The following KAZN variants were observed in gnomAD, a reference collection of about 807,000 sequenced individuals.
KAZN encodes the protein kazrin.
In KAZN, 40 loss-of-function variants were observed where a neutral mutation model predicts 87.4. The ratio of observed to expected loss-of-function variants is 0.46; its 90% CI spans 0.36 to 0.60. The LOEUF is 0.60. Among genes scored for constraint, KAZN ranks in the 20% least tolerant of loss-of-function variants. KAZN has a pLI of 0.00. For synonymous variants in KAZN, 466 were observed against 458.3 expected, an observed-to-expected ratio of 1.02 and a Z score of -0.22; for missense variants, 898 against 1,073.9, an observed-to-expected ratio of 0.84 and a Z score of 2.29.
chr1:15,048,725 T>C (rs112338249), intron 4 of KAZN, among the ~76,000 whole-genome samples: 35,305 of 130,982 alleles, frequency 0.27, 6,173 homozygotes, highest in East Asian at 0.68. Context: ...CCTGGGTCGT[T>C]GGTCATGGGT....
chr1:14,760,867 A>T (rs958293806), intron 1 of KAZN, among the ~76,000 whole-genome samples: 7 of 152,326 alleles, frequency 4.6e-5, no homozygotes, highest in Non-Finnish European at 7.3e-5. Context: ...TAGTAAATAC[A>T]TTACACTTTG....
chr1:14,467,426 G>T (rs1019585649), intron 2 of KAZN, among the ~76,000 whole-genome samples: 1 of 151,166 alleles, frequency 6.6e-6, no homozygotes, highest in Non-Finnish European at 1.5e-5. Context: ...GAATAAAAAA[G>T]ACTTAAGATA....
At chr1:14,764,384 A>ACCC (rs1408862725) in intron 1 of KAZN, among the ~76,000 whole-genome samples, 15 of 105,210 alleles carry the variant, frequency 1.4e-4, no homozygotes, top group Non-Finnish European at 2.1e-4. Flanking sequence ...CCCCTCCCCC[A>ACCC]CACCCCCCCC....
At chr1:14,525,850 G>A (rs1390968462) in intron 2 of KAZN, among the ~76,000 whole-genome samples, 1 of 152,220 alleles carries the variant, frequency 6.6e-6, no homozygotes, top group East Asian at 1.9e-4. Flanking sequence ...ATCCTATGGG[G>A]AAACAGGTTT....
chr1:14,324,047 A>G (rs963476293), intron 2 of KAZN, among the ~76,000 whole-genome samples: 2 of 152,170 alleles, frequency 1.3e-5, no homozygotes, highest in African/African-American at 2.4e-5. Context: ...AATGCAGCCC[A>G]CAGCAACCTG....
chr1:14,361,047 C>T (rs1659464829), intron 2 of KAZN, among the ~76,000 whole-genome samples: 2 of 152,202 alleles, frequency 1.3e-5, no homozygotes, highest in Admixed American at 6.5e-5. Flanking sequence ...CTGCCCCTTG[C>T]CCCAGGTGCT....
chr1:13,904,225 C>T (rs905228001), intron 1 of KAZN, among the ~76,000 whole-genome samples: 23 of 152,086 alleles, frequency 1.5e-4, no homozygotes, highest in African/African-American at 5.6e-4. Context: ...CAGCATGCAC[C>T]TTCCTCAGCA....
At chr1:15,059,677 AGTG>A (rs1638615291) in intron 5 of KAZN, among the ~76,000 whole-genome samples, 1 of 151,980 alleles carries the variant, frequency 6.6e-6, no homozygotes, top group African/African-American at 2.4e-5. Flanking sequence ...AAAGAGAGAA[AGTG>A]GTGGTGGCCT....
At chr1:14,315,777 C>T (rs553516205) in intron 2 of KAZN, among the ~76,000 whole-genome samples, 1 of 152,052 alleles carries the variant, frequency 6.6e-6, no homozygotes, top group South Asian at 2.1e-4. Flanking sequence ...AAGTGTATAC[C>T]ATAATTTGTT....
chr1:15,078,715 C>T (rs376317246), intron 8 of KAZN, among the ~76,000 whole-genome samples: 1 of 152,190 alleles, frequency 6.6e-6, no homozygotes, highest in Non-Finnish European at 1.5e-5. Flanking sequence ...AGAAGGGCAT[C>T]GGTCTGCAGC....
intron 2 of KAZN, among the ~76,000 whole-genome samples, chr1:14,515,708 A>G (rs1173313970): frequency 6.6e-6 from 1 of 152,130 alleles, no homozygotes; most frequent in Non-Finnish European, 1.5e-5. Context: ...CTCAAGTCTT[A>G]GCCACTACCA....
intron 1 of KAZN, among the ~76,000 whole-genome samples, chr1:14,950,151 T>C (rs1662309292): frequency 6.6e-6 from 1 of 152,038 alleles, no homozygotes; most frequent in Non-Finnish European, 1.5e-5. Flanking sequence ...AGAAACCCTG[T>C]GGAGGAGTGG....
chr1:14,836,151 G>A lies in KAZN; in HGVS notation c.227-124533G>A, dbSNP rs961147792. Among the ~76,000 whole-genome samples the A allele has an allele frequency of 3.9e-5, 6 of 152,192 alleles. No homozygotes were observed. In the East Asian group the frequency reaches 1.2e-3, roughly 29 times the overall value. ...CTGGCTCCTGAGAGAAGAGGGGACA[G>A]AAGCTGAAGCCTGCATGCCCACCTC... On this transcript the variant is annotated intron_variant, in intron 1 of 14. Coordinates refer to ENST00000376030, the MANE Select transcript of KAZN (RefSeq NM_201628.3).
intron 2 of KAZN, among the ~76,000 whole-genome samples, chr1:14,468,860 G>A (rs1668301321): frequency 6.6e-6 from 1 of 152,172 alleles, no homozygotes; most frequent in South Asian, 2.1e-4. Context: ...CCTTGGTGAT[G>A]GGTCATGATT....
chr1:14,382,555 G>T (rs1372296480), intron 2 of KAZN, among the ~76,000 whole-genome samples: 3 of 145,634 alleles, frequency 2.1e-5, no homozygotes, highest in African/African-American at 5.1e-5. Context: ...ACCTATGAGT[G>T]AGAATATGCG....
At chr1:14,803,175 G>A (rs10927552) in intron 1 of KAZN, among the ~76,000 whole-genome samples, 44,026 of 150,168 alleles carry the variant, frequency 0.29, 7,934 homozygotes, top group East Asian at 0.52. Flanking sequence ...CTTCATCTGC[G>A]CAGTGTCTGC....
intron 2 of KAZN, among the ~76,000 whole-genome samples, chr1:14,231,036 T>A (rs1176237698): frequency 6.6e-6 from 1 of 152,200 alleles, no homozygotes; most frequent in Non-Finnish European, 1.5e-5. Flanking sequence ...TGAGTGTATT[T>A]GAAGTATTAG....
At chr1:14,211,629 G>A (rs1023700648) in intron 2 of KAZN, among the ~76,000 whole-genome samples, 14 of 152,260 alleles carry the variant, frequency 9.2e-5, no homozygotes, top group African/African-American at 2.9e-4. Flanking sequence ...GAGATGTCTT[G>A]TATGGGCTTG....
At chr1:14,782,435 C>A (rs12061616) in intron 1 of KAZN, among the ~76,000 whole-genome samples, 2 of 151,342 alleles carry the variant, frequency 1.3e-5, no homozygotes, top group African/African-American at 2.4e-5. Flanking sequence ...GTAATCCCAG[C>A]TACTGGGAAG....
Sources: gnomAD v4.1 joint callset for allele counts (sites outside exome capture counted in the v4.1 genomes callset) on GRCh38, gnomAD v4.1.1 for gene constraint, MANE v1.5 for transcripts, NCBI Gene and HGNC (gene_info 2026-07-23, HGNC 2026-07-21) for gene names.